ADAMTS12: variants seen among roughly 807,000 people sequenced by gnomAD.
The protein encoded by ADAMTS12 is A disintegrin and metalloproteinase with thrombospondin motifs 12.
In ADAMTS12, 118 loss-of-function variants were observed where a neutral mutation model predicts 167.8. The observed-to-expected ratio is 0.70, with a 90% CI of 0.61 to 0.82. The LOEUF is 0.82. ADAMTS12 is among the 40% of genes least tolerant of loss of function. ADAMTS12 has a pLI of 0.00. For synonymous variants in ADAMTS12, 704 were observed against 716.9 expected (o/e 0.98, Z 0.29); for missense variants, 1,916 against 1,998.8 (o/e 0.96, Z 0.79).
chr5:33,656,131 A>T (rs1475444225), intron 7 of ADAMTS12, among the ~76,000 whole-genome samples: 1 of 152,182 alleles, frequency 6.6e-6, no homozygotes, highest in Non-Finnish European at 1.5e-5. Flanking sequence ...ACCTTATAGT[A>T]GTTTTATTTC....
chr5:33,586,746 C>T (rs929148167), intron 18 of ADAMTS12, among the ~76,000 whole-genome samples: 2 of 152,188 alleles, frequency 1.3e-5, no homozygotes, highest in Non-Finnish European at 2.9e-5. Flanking sequence ...TCCATTCAGC[C>T]TTATTTTGAC....
chr5:33,739,460 T>A (rs1171948186), intron 3 of ADAMTS12, among the ~76,000 whole-genome samples: 1 of 118,246 alleles, frequency 8.5e-6, no homozygotes, highest in East Asian at 9.1e-4. Flanking sequence ...GAAGAAACTA[T>A]GTGTATGTGT....
chr5:33,561,916 A>G (rs1397059287), intron 19 of ADAMTS12, among the ~76,000 whole-genome samples: 1 of 152,166 alleles, frequency 6.6e-6, no homozygotes, highest in African/African-American at 2.4e-5. Context: ...CCTAACACTG[A>G]ATGATACTAT....
chr5:33,730,910 T>C (rs1317974483), intron 3 of ADAMTS12, among the ~76,000 whole-genome samples: 1 of 152,100 alleles, frequency 6.6e-6, no homozygotes. Flanking sequence ...AGCAGAAGGG[T>C]TGAGAATAAC....
chr5:33,645,659 C>T (rs933228133), intron 9 of ADAMTS12, among the ~76,000 whole-genome samples: 1 of 152,148 alleles, frequency 6.6e-6, no homozygotes, highest in Admixed American at 6.5e-5. Flanking sequence ...GAATGGTACA[C>T]AGAAACTTTG....
At chr5:33,723,779 A>G (rs1423479) in intron 3 of ADAMTS12, among the ~76,000 whole-genome samples, 133,589 of 152,186 alleles carry the variant, frequency 0.88, 58,868 homozygotes, top group African/African-American at 0.91. Flanking sequence ...GGGGCCAATG[A>G]CCTGTGCATG....
At position 33,880,744 on chromosome 5, in the gene ADAMTS12, C is replaced by A. The variant is rs146520694; in HGVS notation, c.489+375G>T. 2.2e-3 allele frequency: 473 copies of A among 215,806 alleles called. 2 individuals carry two copies. Among genetic ancestry groups the A allele is most frequent in the Middle Eastern group, 7.7e-3 (4 of 518 alleles). 13.4% of individuals were successfully genotyped at this position (215,806 alleles called of 1,614,324 possible). ...CTATCACCATCATTATTCATAAATTCTCAGTCCAAATCTAGGTTCTGCTCA... is the reference window on the plus strand; with the variant it reads ...CTATCACCATCATTATTCATAAATTATCAGTCCAAATCTAGGTTCTGCTCA... On this transcript the variant is annotated intron_variant, in intron 2 of 23. Coordinates refer to ENST00000504830, the MANE Select transcript of ADAMTS12 (RefSeq NM_030955.4).
intron 7 of ADAMTS12, among the ~76,000 whole-genome samples, chr5:33,656,681 C>T (rs1427957038): frequency 6.6e-6 from 1 of 152,168 alleles, no homozygotes; most frequent in Admixed American, 6.5e-5. Context: ...GTTACAGTCA[C>T]CTAGCATTGT....
intron 16 of ADAMTS12, among the ~76,000 whole-genome samples, chr5:33,611,069 A>G (rs1280451147): frequency 6.6e-6 from 1 of 152,178 alleles, no homozygotes; most frequent in East Asian, 1.9e-4. Flanking sequence ...TACTAGAGCT[A>G]CTTTAATCAA....
intron 19 of ADAMTS12, among the ~76,000 whole-genome samples, chr5:33,567,035 G>T (rs1746049567): frequency 6.6e-6 from 1 of 152,152 alleles, no homozygotes; most frequent in South Asian, 2.1e-4. Flanking sequence ...ACCTTGTATT[G>T]CCTTGTGACT....
chr5:33,700,635 T>C (rs983149995), intron 3 of ADAMTS12, among the ~76,000 whole-genome samples: 1 of 152,076 alleles, frequency 6.6e-6, no homozygotes, highest in Non-Finnish European at 1.5e-5. Context: ...TGCACAAAAA[T>C]ATACTTGCGA....
At chr5:33,594,985 G>A (rs1373454736) in intron 17 of ADAMTS12, among the ~76,000 whole-genome samples, 1 of 152,110 alleles carries the variant, frequency 6.6e-6, no homozygotes, top group African/African-American at 2.4e-5. Flanking sequence ...TTAGAACTGG[G>A]ATGAATGCTT....
At chr5:33,714,449 C>A (rs1743524950) in intron 3 of ADAMTS12, among the ~76,000 whole-genome samples, 1 of 152,036 alleles carries the variant, frequency 6.6e-6, no homozygotes, top group African/African-American at 2.4e-5. Context: ...CCACTAATAT[C>A]TTTTTATCCA....
intron 3 of ADAMTS12, among the ~76,000 whole-genome samples, chr5:33,714,239 T>G (rs1270696693): frequency 6.6e-6 from 1 of 151,974 alleles, no homozygotes; most frequent in Admixed American, 6.6e-5. Context: ...CTCACCCCAG[T>G]TAGGAAGGCT....
At chr5:33,664,495 C>T (rs1448500564) in intron 5 of ADAMTS12, among the ~76,000 whole-genome samples, 5 of 152,056 alleles carry the variant, frequency 3.3e-5, no homozygotes, top group East Asian at 3.9e-4. Context: ...GCAAAGGACC[C>T]GAATAGGTAT....
chr5:33,641,987 TC>T, intron 10 of ADAMTS12, 32 bp from the exon 11 acceptor site: 1 of 1,581,832 alleles, frequency 6.3e-7, no homozygotes, highest in Non-Finnish European at 8.6e-7. Context: ...GATGGCCGTA[TC>T]AGGAAGGTTA....
intron 1 of ADAMTS12, among the ~76,000 whole-genome samples, chr5:33,889,287 A>T (rs868478086): frequency 7.6e-5 from 5 of 65,940 alleles, no homozygotes; most frequent in Non-Finnish European, 9.7e-5. Context: ...CATCTCTATT[A>T]AAAAAAAAAT....
At chr5:33,664,222 A>T (rs1741385459) in intron 5 of ADAMTS12, among the ~76,000 whole-genome samples, 1 of 152,202 alleles carries the variant, frequency 6.6e-6, no homozygotes, top group African/African-American at 2.4e-5. Context: ...AGCAATTCTG[A>T]AAAAAGAAAA....
At chr5:33,631,838 T>C (rs1353361558) in intron 12 of ADAMTS12, among the ~76,000 whole-genome samples, 1 of 152,172 alleles carries the variant, frequency 6.6e-6, no homozygotes, top group South Asian at 2.1e-4. Context: ...TCTGGATGTG[T>C]TTATTATGGG....
Sources: gnomAD v4.1 joint callset for allele counts (sites outside exome capture counted in the v4.1 genomes callset) on GRCh38, gnomAD v4.1.1 for gene constraint, MANE v1.5 for transcripts, NCBI Gene and HGNC (gene_info 2026-07-23, HGNC 2026-07-21) for gene names.